SND1: variants seen among roughly 807,000 people sequenced by gnomAD.
SND1 encodes staphylococcal nuclease domain-containing protein 1.
In SND1, 38 loss-of-function variants were observed where a neutral mutation model predicts 121.7. The observed-to-expected ratio is 0.31, with a 90% confidence interval of 0.24 to 0.41. The LOEUF is 0.41. SND1 is among the 10% of genes least tolerant of loss of function. The pLI, the probability that SND1 is intolerant of heterozygous loss-of-function variation, is 1.00. For missense variants in SND1, 868 were observed against 1,184.6 expected (o/e 0.73, Z 3.92); for synonymous variants, 401 against 447.4 (o/e 0.90, Z 1.31).
intron 15 of SND1, among the ~76,000 whole-genome samples, chr7:127,946,379 A>G (rs996881647): frequency 1.6e-4 from 24 of 152,178 alleles, no homozygotes; most frequent in South Asian, 4.1e-4. Flanking sequence ...TGGCACTTCT[A>G]ATGGGCCCTA....
chr7:127,761,591 T>G (rs755183624), intron 10 of SND1, among the ~76,000 whole-genome samples: 22 of 152,238 alleles, frequency 1.4e-4, no homozygotes, highest in Non-Finnish European at 2.1e-4. Flanking sequence ...TTCCTAGAAA[T>G]GTTTGCTTTT....
At chr7:127,825,586 T>C (rs1584600878) in intron 11 of SND1, among the ~76,000 whole-genome samples, 1 of 151,702 alleles carries the variant, frequency 6.6e-6, no homozygotes, top group Non-Finnish European at 1.5e-5. Context: ...TTTTGTACTT[T>C]AGTAGAGACG....
At chr7:128,084,253 G>C (rs1418274734) in intron 18 of SND1, among the ~76,000 whole-genome samples, 2 of 152,226 alleles carry the variant, frequency 1.3e-5, no homozygotes, top group Non-Finnish European at 2.9e-5. Context: ...CCCCCTGAAA[G>C]ACAGTAGACA....
intron 10 of SND1, among the ~76,000 whole-genome samples, chr7:127,786,452 T>C (rs1358125926): frequency 6.6e-6 from 1 of 152,212 alleles, no homozygotes; most frequent in Non-Finnish European, 1.5e-5. Context: ...TATGCAGAAC[T>C]TAACTGTTCT....
At chr7:127,897,101 C>G (rs574608789) in intron 13 of SND1, among the ~76,000 whole-genome samples, 2 of 152,092 alleles carry the variant, frequency 1.3e-5, no homozygotes, top group Non-Finnish European at 2.9e-5. Context: ...TTGTAAACTT[C>G]CTTGTGCATT....
chr7:127,793,794 T>TCC (rs1797960211), intron 10 of SND1, among the ~76,000 whole-genome samples: 1 of 152,102 alleles, frequency 6.6e-6, no homozygotes, highest in Non-Finnish European at 1.5e-5. Context: ...TCCCCATTCT[T>TCC]GCCCTCCTCC....
rs549952789 is a variant in SND1 at position 127,918,994 on chromosome 7, G to GA, written c.1528-10188dup. 3.8e-4 allele frequency among the ~76,000 whole-genome samples: 58 copies of GA among 152,098 alleles called. 1 individual carries two copies. In the South Asian group the frequency reaches 0.012, roughly 32 times the overall value. The stretch of plus-strand genomic sequence containing the variant: ...ATTGTTGCCATTTTTCTCCATGTTA[G>GA]AAAAAACTGGAACTTTCTCTTCTGA... On this transcript the variant is annotated intron_variant, in intron 14 of 23. Coordinates refer to ENST00000354725, the MANE Select transcript of SND1 (RefSeq NM_014390.4).
intron 16 of SND1, among the ~76,000 whole-genome samples, chr7:128,062,447 G>A (rs1192203663): frequency 6.6e-6 from 1 of 152,220 alleles, no homozygotes; most frequent in African/African-American, 2.4e-5. Flanking sequence ...ACCCTCTGGT[G>A]CTTTCAGCTG....
rs780174901 is a variant in SND1, at chr7:127,888,045, C to T, written c.1454+33C>T. ...CAAACATTACTAAACACATGGGGAA[C>T]CCACACCCTCACTTTTTTCTTTCCC... On this transcript the variant is annotated intron_variant, in intron 13 of 23. Coordinates refer to ENST00000354725, the MANE Select transcript of SND1 (RefSeq NM_014390.4). The T allele has an allele frequency of 4.8e-6, 7 of 1,460,590 alleles. No homozygotes were observed. The East Asian group carries it at 1.1e-4, about 24-fold the overall frequency. 90.5% of individuals were successfully genotyped at this position (1,460,590 alleles called of 1,614,324 possible). A position where few individuals can be genotyped will look rare whatever the true frequency, so the allele number is the denominator to read the frequency against.
chr7:128,068,656 C>G (rs552650020), intron 16 of SND1, among the ~76,000 whole-genome samples: 4 of 152,332 alleles, frequency 2.6e-5, no homozygotes, highest in South Asian at 2.1e-4. Context: ...CCCCCTTCCT[C>G]CATGTTTGAT....
At chr7:128,090,968 C>G (rs1410700017) in intron 22 of SND1, among the ~76,000 whole-genome samples, 1 of 152,132 alleles carries the variant, frequency 6.6e-6, no homozygotes, top group African/African-American at 2.4e-5. Context: ...TGCCGCAGTC[C>G]CTGAGATAAA....
chr7:127,837,235 A>G (rs1325002184), intron 11 of SND1, among the ~76,000 whole-genome samples: 1 of 152,224 alleles, frequency 6.6e-6, no homozygotes, highest in Non-Finnish European at 1.5e-5. Context: ...TACTCTAGGA[A>G]TGCCCACTGA....
chr7:128,044,927 A>T (rs1792920353), intron 16 of SND1, among the ~76,000 whole-genome samples: 1 of 152,046 alleles, frequency 6.6e-6, no homozygotes, highest in Non-Finnish European at 1.5e-5. Flanking sequence ...TATTTTTGCA[A>T]ATCCATTTGT....
At chr7:127,659,321 T>A (rs1044799358) in intron 1 of SND1, among the ~76,000 whole-genome samples, 2 of 152,246 alleles carry the variant, frequency 1.3e-5, no homozygotes, top group African/African-American at 4.8e-5. Context: ...TTCTTCACTC[T>A]AATGTTTAAG....
chr7:127,947,187 T>C (rs1327439082), intron 15 of SND1, among the ~76,000 whole-genome samples: 1 of 152,156 alleles, frequency 6.6e-6, no homozygotes, highest in Admixed American at 6.5e-5. Context: ...CAGCTTTGGG[T>C]TGGGGCTTCT....
chr7:127,732,626 A>G (rs138922175), intron 10 of SND1, among the ~76,000 whole-genome samples: 1,760 of 152,364 alleles, frequency 0.012, 38 homozygotes, highest in Middle Eastern at 0.044. Context: ...CATGGACAAC[A>G]ACGAAACTGT....
At chr7:127,885,578 G>T (rs1584641273) in intron 12 of SND1, among the ~76,000 whole-genome samples, 4 of 152,260 alleles carry the variant, frequency 2.6e-5, no homozygotes, top group African/African-American at 4.8e-5. Context: ...ATAGGATAAA[G>T]AGGGCAGGGA....
intron 15 of SND1, among the ~76,000 whole-genome samples, chr7:127,978,560 A>T (rs919518082): frequency 3.3e-4 from 50 of 152,216 alleles, no homozygotes; most frequent in African/African-American, 1.2e-3. Flanking sequence ...GTGGACATTC[A>T]TAGAACAGGG....
intron 15 of SND1, among the ~76,000 whole-genome samples, chr7:127,989,444 A>T (rs748335308): frequency 3.3e-5 from 5 of 152,118 alleles, no homozygotes; most frequent in Non-Finnish European, 7.4e-5. Flanking sequence ...GTCACCTTGA[A>T]TCAATGCCCT....
Sources: gnomAD v4.1 joint callset for allele counts (sites outside exome capture counted in the v4.1 genomes callset) on GRCh38, gnomAD v4.1.1 for gene constraint, MANE v1.5 for transcripts, NCBI Gene and HGNC (gene_info 2026-07-23, HGNC 2026-07-21) for gene names.